The following C5orf46 variants were observed in gnomAD, a reference collection of about 807,000 sequenced individuals.
C5orf46 encodes chromosome 5 open reading frame 46.
In C5orf46, 9 loss-of-function variants were observed where a neutral mutation model predicts 8.9. That is an observed-to-expected ratio of 1.01 (90% CI 0.61 to 1.76). The LOEUF is 1.76. C5orf46 is among the 40% of genes most tolerant of loss of function. The pLI is 0.00. For missense variants in C5orf46, 98 were observed against 107.8 expected (o/e 0.91, Z 0.40); for synonymous variants, 47 against 41.4 (o/e 1.14, Z -0.52).
At chr5:147,904,889 A>G (rs1005745056) in intron 1 of C5orf46, among the ~76,000 whole-genome samples, 2 of 149,856 alleles carry the variant, frequency 1.3e-5, no homozygotes, top group Non-Finnish European at 3.0e-5. Flanking sequence ...TATATCATAT[A>G]TATACCACTT....
chr5:147,900,640 C>A (rs1270288964), intron 2 of C5orf46, among the ~76,000 whole-genome samples: 1 of 152,162 alleles, frequency 6.6e-6, no homozygotes, highest in Non-Finnish European at 1.5e-5. Context: ...ATATCCATGG[C>A]CTTGTCCCCA....
At chr5:147,896,153 C>A (rs1014639309) in intron 3 of C5orf46, among the ~76,000 whole-genome samples, 2 of 152,124 alleles carry the variant, frequency 1.3e-5, no homozygotes, top group African/African-American at 4.8e-5. Flanking sequence ...ACTGCCTTCT[C>A]CTATACTATT....
chr5:147,895,629 G>A (rs1008652548), intron 3 of C5orf46, among the ~76,000 whole-genome samples: 4 of 152,128 alleles, frequency 2.6e-5, no homozygotes, highest in Admixed American at 2.6e-4. Flanking sequence ...TCATAGACCA[G>A]ACCTGTAGGA....
At chr5:147,889,735 A>C (rs895718196), downstream of C5orf46, among the ~76,000 whole-genome samples, 1 of 152,178 alleles carries the variant, frequency 6.6e-6, no homozygotes, top group Non-Finnish European at 1.5e-5. Flanking sequence ...CTTTTGTTCG[A>C]GTTTGGCTCC....
intron 2 of C5orf46, chr5:147,887,334 C>G (rs1169332772): frequency 1.3e-5 from 2 of 152,094 alleles, no homozygotes; most frequent in African/African-American, 4.8e-5. Context: ...ACTGGGGATT[C>G]ACAACTAAAT....
At chr5:147,897,065 G>C (rs1264398150) in intron 2 of C5orf46, 24 bp from the exon 3 acceptor site, 3 of 1,229,632 alleles carry the variant, frequency 2.4e-6, no homozygotes, top group Admixed American at 4.0e-5. Context: ...GAGAAAATAA[G>C]AATTACAATT....
chr5:147,889,878 T>C (rs1757477545), downstream of C5orf46, among the ~76,000 whole-genome samples: 1 of 152,180 alleles, frequency 6.6e-6, no homozygotes. Context: ...GCATGGAAGG[T>C]ATCCTAATGA....
At chr5:147,904,504 T>A (rs1173873928) in intron 1 of C5orf46, among the ~76,000 whole-genome samples, 1 of 152,222 alleles carries the variant, frequency 6.6e-6, no homozygotes, top group Non-Finnish European at 1.5e-5. Flanking sequence ...AGATTTTTTC[T>A]CCTGTGTTTC....
chr5:147,906,393 C>T (rs1330011932), intron 1 of C5orf46, 39 bp downstream of exon 1: 2 of 1,435,438 alleles, frequency 1.4e-6, no homozygotes, highest in South Asian at 1.2e-5. Context: ...TCACTGCTAA[C>T]TACTGAACAA....
Position 147,906,514 on chromosome 5 carries a change from G to T in C5orf46, c.-13C>A. The T allele has an allele frequency of 6.3e-7, 1 of 1,596,676 alleles. No individual in the cohort carries two copies. Among genetic ancestry groups the T allele is most frequent in the Non-Finnish European group, 8.6e-7 (1 of 1,165,194 alleles). ...CTGAGACAGCCATTCTGGTAGCACG[G>T]GGTATTCGTGCAGATAAATTGTTCA... is the stretch of plus-strand genomic sequence containing the variant. On this transcript the variant is annotated 5_prime_UTR_variant, in exon 1 of 4. Transcript: ENST00000318315.
chr5:147,904,350 A>G (rs534692082), intron 1 of C5orf46, among the ~76,000 whole-genome samples: 15 of 152,370 alleles, frequency 9.8e-5, no homozygotes, highest in Admixed American at 7.8e-4. Context: ...TCACTCATCT[A>G]GAAAGTGGCT....
At chr5:147,903,218 G>T (rs1469666647) in intron 1 of C5orf46, among the ~76,000 whole-genome samples, 1 of 152,108 alleles carries the variant, frequency 6.6e-6, no homozygotes, top group Non-Finnish European at 1.5e-5. Flanking sequence ...TAATTGTATT[G>T]TACCCTGACA....
At chr5:147,894,617 C>A (rs1757552048) in intron 3 of C5orf46, among the ~76,000 whole-genome samples, 1 of 152,088 alleles carries the variant, frequency 6.6e-6, no homozygotes, top group Non-Finnish European at 1.5e-5. Context: ...TTATCATTTC[C>A]TTCCACAGTT....
chr5:147,898,287 C>G (rs1183570563), intron 2 of C5orf46, among the ~76,000 whole-genome samples: 1 of 151,980 alleles, frequency 6.6e-6, no homozygotes, highest in Admixed American at 6.6e-5. Context: ...ATATAGGGTG[C>G]ATATACATAT....
At chr5:147,904,433 A>G (rs902225925) in intron 1 of C5orf46, among the ~76,000 whole-genome samples, 3 of 152,196 alleles carry the variant, frequency 2.0e-5, no homozygotes, top group African/African-American at 7.2e-5. Flanking sequence ...ACAACCTCCA[A>G]ACAATTGTTC....
intron 3 of C5orf46, among the ~76,000 whole-genome samples, chr5:147,893,281 CTTT>C (rs768391434): frequency 3.1e-5 from 4 of 127,648 alleles, no homozygotes; most frequent in Admixed American, 7.9e-5. Flanking sequence ...TCACATAAAT[CTTT>C]TTTTTTTTTT....
At chr5:147,900,360 A>G (rs1757648153) in intron 2 of C5orf46, among the ~76,000 whole-genome samples, 1 of 152,222 alleles carries the variant, frequency 6.6e-6, no homozygotes, top group South Asian at 2.1e-4. Context: ...CAGAGATTAC[A>G]AAACCCCTGA....
At chr5:147,899,036 C>G (rs1757627188) in intron 2 of C5orf46, among the ~76,000 whole-genome samples, 1 of 152,110 alleles carries the variant, frequency 6.6e-6, no homozygotes, top group Non-Finnish European at 1.5e-5. Context: ...TTCTCTCTTC[C>G]AAATCAAATA....
Position 147,899,331 on chromosome 5 carries a change from G to A in C5orf46, c.216-2290C>T, listed in dbSNP as rs150995364. ...TAAGTGCTTAGCAATACTTTCTGACGTCTCCTCCTATCCTCCACCCCCTAT... is the reference window on the plus strand; with the variant it reads ...TAAGTGCTTAGCAATACTTTCTGACATCTCCTCCTATCCTCCACCCCCTAT... On this transcript the variant is annotated intron_variant, in intron 2 of 3. Coordinates refer to ENST00000318315, the MANE Select transcript of C5orf46 (RefSeq NM_206966.3). Among the ~76,000 whole-genome samples the A allele has an allele frequency of 1.5e-3, 231 of 152,230 alleles. 1 individual carries two copies. The highest frequency in any genetic ancestry group is 5.0e-3 in the African/African-American group (209 of 41,520).
Sources: allele counts gnomAD v4.1 joint callset (sites outside exome capture counted in the v4.1 genomes callset), GRCh38; gene constraint gnomAD v4.1.1; transcripts MANE v1.5; gene names NCBI Gene and HGNC (gene_info 2026-07-23, HGNC 2026-07-21).